Variants in SLC5A8 observed in about 807,000 individuals in gnomAD.
The protein encoded by SLC5A8 is sodium-coupled monocarboxylate transporter 1.
A neutral mutation model predicts 71.9 loss-of-function variants in SLC5A8; 55 were observed. That is an observed-to-expected ratio of 0.77 (90% CI 0.62 to 0.96). The LOEUF (loss-of-function observed/expected upper bound fraction) is 0.96, where lower values mean the gene tolerates loss of function less well. Among genes scored for constraint, SLC5A8 ranks in the 40% least tolerant of loss-of-function variants. The probability of loss-of-function intolerance (pLI) is 0.00; values close to 1 mark genes in which losing one functional copy is unlikely to be tolerated. For missense variants in SLC5A8, 701 were observed against 745.3 expected, an observed-to-expected ratio of 0.94 and a Z score of 0.69; for synonymous variants, 307 against 276.1, an observed-to-expected ratio of 1.11 and a Z score of -1.11.
Position 101,209,815 on chromosome 12 carries a change from C to A in SLC5A8, c.34G>T (p.Val12Leu), listed in dbSNP as rs768257594. 13 of 1,583,480 alleles carry A rather than the reference C, an allele frequency of 8.2e-6. No homozygotes were observed. In the African/African-American group the frequency reaches 1.5e-4, roughly 18 times the overall value. The change falls in exon 1 of 15, where the codon GTG becomes TTG. Residue 12 changes from valine to leucine, a missense_variant. Transcript: ENST00000536262. ...DTPRGIGTFV[V>L]WDYVVFAGML... ...CCCGCGAACACCACGTAGTCCCACA[C>A]CACGAAGGTGCCGATGCCCCGTGGC...
rs1191553492 is a variant in SLC5A8 at position 101,183,083 on chromosome 12, T to TCGCC, written c.1053-172_1053-169dup. 1.1e-4 allele frequency among the ~76,000 whole-genome samples: 15 copies of TCGCC among 140,282 alleles called. No individual in the cohort carries two copies. In the Admixed American group the frequency reaches 1.1e-3, roughly 10 times the overall value. The allele number at this position is 140,282 out of a possible 152,430, so 92.0% of individuals were successfully genotyped here. On this transcript the variant is annotated intron_variant, in intron 8 of 14. Coordinates refer to ENST00000536262, the MANE Select transcript of SLC5A8 (RefSeq NM_145913.5). ...TTTTTTGAGACGGAGTCTCGCTCTGTCGCCCAGGCTGGAGTGCAATGGCAT... is the reference window on the plus strand; with the variant it reads ...TTTTTTGAGACGGAGTCTCGCTCTGTCGCCCGCCCAGGCTGGAGTGCAATGGCAT...
At chr12:101,193,240 TG>T (rs1415468164) in intron 5 of SLC5A8, among the ~76,000 whole-genome samples, 1 of 152,232 alleles carries the variant, frequency 6.6e-6, no homozygotes, top group South Asian at 2.1e-4. Context: ...CCCAAAGTGC[TG>T]GGATTACAGG....
At chr12:101,158,602 A>G (rs921438786) in intron 13 of SLC5A8, among the ~76,000 whole-genome samples, 1 of 31,600 alleles carries the variant, frequency 3.2e-5, no homozygotes, top group Non-Finnish European at 5.8e-5. Context: ...CTCTCTCTAT[A>G]TATATATATA....
chr12:101,207,519 C>CG (rs1257099089), intron 1 of SLC5A8, among the ~76,000 whole-genome samples: 1 of 152,200 alleles, frequency 6.6e-6, no homozygotes, highest in Non-Finnish European at 1.5e-5. Flanking sequence ...AACTTAGCCT[C>CG]TACCACTGCA....
At chr12:101,179,207 G>A (rs1367584003) in intron 10 of SLC5A8, among the ~76,000 whole-genome samples, 1 of 152,122 alleles carries the variant, frequency 6.6e-6, no homozygotes, top group African/African-American at 2.4e-5. Context: ...CTATGCTAGT[G>A]ATATAAAAAT....
chr12:101,162,051 G>A lies in SLC5A8; in HGVS notation c.1553C>T (p.Ser518Phe), dbSNP rs757865709. The A allele has an allele frequency of 6.2e-7, 1 of 1,613,582 alleles. No individual in the cohort carries two copies. Among genetic ancestry groups the A allele is most frequent in the South Asian group, 1.1e-5 (1 of 91,054 alleles). Reference protein sequence around the residue: ...QRTPLMDNWYSLSYLYFSTVG... With the variant: ...QRTPLMDNWYFLSYLYFSTVG... ...AGTGCTGAAGTACAGATATGATAAA[G>A]AATACCAGTTATCCATCAGTGGAGT... Residue 518 changes from serine (S) to phenylalanine (F), a missense_variant, in exon 13 of 15, where the codon TCT becomes TTT. Ser to Phe is a radical substitution (Grantham distance 155, BLOSUM62 -2). Transcript: ENST00000536262.
chr12:101,158,584 CTCTCTCTCTCTCTCTATA>C (rs1325888504), intron 13 of SLC5A8, among the ~76,000 whole-genome samples: 298 of 46,636 alleles, frequency 6.4e-3, no homozygotes, highest in African/African-American at 0.032. Context: ...CTCTCTCTCT[CTCTCTCTCTCTCTCTATA>C]TATATATATA....
chr12:101,210,129 G>A lies in SLC5A8; in HGVS notation c.-281C>T. On this transcript the variant is annotated 5_prime_UTR_variant, in exon 1 of 15. Transcript: ENST00000536262. ...CTGAGTGCTCACCACGTGAGGAACT[G>A]GAGTGGCCGAGTTCGCCAAGGCGCC... 3 of 411,086 alleles carry A rather than the reference G, an allele frequency of 7.3e-6. No individual in the cohort carries two copies. Among genetic ancestry groups the A allele is most frequent in the Non-Finnish European group, 1.3e-5 (3 of 234,606 alleles). 25.5% of individuals were successfully genotyped at this position (411,086 alleles called of 1,614,324 possible). A position where few individuals can be genotyped will look rare whatever the true frequency, so the allele number is the denominator to read the frequency against.
Position 101,168,062 on chromosome 12 carries a change from GTAATCCTCAAGCATATTCATTCTTT to G in SLC5A8, c.1320+9_1320+33del, listed in dbSNP as rs1295107217. The G allele has an allele frequency of 8.3e-6, 13 of 1,566,980 alleles. No individual in the cohort carries two copies. The African/African-American group carries it at 1.8e-4, about 21-fold the overall frequency. ...TAGAGCTGCTAGTATAGTTCAAAAA[GTAATCCTCAAGCATATTCATTCTTT>G]GTACTTACAATTGAGTTGGCAAAGG... On this transcript the variant is annotated intron_variant, in intron 11 of 14. Transcript: ENST00000536262.
In SLC5A8 at chr12:101,167,169, C is replaced by T. The variant is rs546466748; in HGVS notation, c.1321-470G>A. Among the ~76,000 whole-genome samples, 5 of 152,288 alleles carry T rather than the reference C, an allele frequency of 3.3e-5. No homozygotes were observed. In the South Asian group the frequency reaches 1.0e-3, roughly 32 times the overall value. On this transcript the variant is annotated intron_variant, in intron 11 of 14. Transcript: ENST00000536262. ...ATACATTTTTCTAATACTTAACAAA[C>T]TAATGCATTTCATCACGCAAAGAAT...
intron 10 of SLC5A8, among the ~76,000 whole-genome samples, chr12:101,169,593 C>A (rs1190111218): frequency 2.0e-5 from 3 of 152,274 alleles, no homozygotes; most frequent in Admixed American, 6.5e-5. Context: ...TCCTGGAGGA[C>A]CCCTGCTGTG....
intron 1 of SLC5A8, 34 bp from the exon 2 acceptor site, chr12:101,204,599 G>A: frequency 6.8e-7 from 1 of 1,473,360 alleles, no homozygotes. Flanking sequence ...CGAATCCTCT[G>A]GATGCCTTTT....
chr12:101,202,130 T>C (rs1227329866), intron 3 of SLC5A8, 34 bp downstream of exon 3: 5 of 1,605,516 alleles, frequency 3.1e-6, no homozygotes, highest in South Asian at 2.2e-5. Flanking sequence ...AACCCCAAAA[T>C]GTGAGTTACC....
intron 2 of SLC5A8, among the ~76,000 whole-genome samples, chr12:101,203,610 G>A (rs1176191459): frequency 9.2e-5 from 14 of 152,194 alleles, no homozygotes; most frequent in Admixed American, 9.2e-4. Flanking sequence ...GCCTCCCAAA[G>A]TGCTGGGATT....
At chr12:101,193,830 G>A (rs2137159253) in intron 4 of SLC5A8, 51 bp from the exon 5 acceptor site, 1 of 1,576,362 alleles carries the variant, frequency 6.3e-7, no homozygotes, top group Non-Finnish European at 8.7e-7. Flanking sequence ...ACATTATTAA[G>A]CATCTACACA....
chr12:101,183,035 CTT>C (rs34182928), intron 8 of SLC5A8, 120 bp from the exon 9 acceptor site: 1,616 of 73,940 alleles, frequency 0.022, no homozygotes, highest in South Asian at 0.057. Flanking sequence ...TTCTACTATG[CTT>C]TTTTTTTTTT....
chr12:101,200,009 C>CAAAAAAAAAAAA (rs1182463470), intron 3 of SLC5A8, among the ~76,000 whole-genome samples: 1 of 9,640 alleles, frequency 1.0e-4, no homozygotes, highest in Non-Finnish European at 2.0e-4. Context: ...GTACTACCAG[C>CAAAAAAAAAAAA]AAAAAAAAAA....
At chr12:101,187,776 G>A (rs757501712) in intron 6 of SLC5A8, among the ~76,000 whole-genome samples, 1 of 151,870 alleles carries the variant, frequency 6.6e-6, no homozygotes, top group Non-Finnish European at 1.5e-5. Context: ...GGAGCTCCAG[G>A]GGCATTGTTA....
intron 5 of SLC5A8, 105 bp downstream of exon 5, chr12:101,193,520 C>A: frequency 2.2e-6 from 3 of 1,335,132 alleles, no homozygotes; most frequent in Admixed American, 4.4e-5. Flanking sequence ...ACATCCTTAG[C>A]AATTTGTTGG....
Sources: allele counts gnomAD v4.1 joint callset (sites outside exome capture counted in the v4.1 genomes callset), GRCh38; gene constraint gnomAD v4.1.1; transcripts MANE v1.5; gene names NCBI Gene and HGNC (gene_info 2026-07-23, HGNC 2026-07-21).